The following TMEM132D variants were observed in gnomAD, a reference collection of about 807,000 sequenced individuals.
TMEM132D encodes the protein mature OL transmembrane protein.
Under a neutral mutation model 62.3 loss-of-function variants are expected in TMEM132D, and 21 were observed. The observed-to-expected ratio is 0.34, with a 90% CI of 0.24 to 0.49. The LOEUF is 0.49. TMEM132D is among the 20% of genes least tolerant of loss of function. The pLI is 0.99. For missense variants in TMEM132D, 1,346 were observed against 1,402.8 expected (o/e 0.96, Z 0.65); for synonymous variants, 621 against 575.6 (o/e 1.08, Z -1.13).
At chr12:129,471,872 T>TA (rs1874101989) in intron 3 of TMEM132D, among the ~76,000 whole-genome samples, 1 of 152,230 alleles carries the variant, frequency 6.6e-6, no homozygotes. Flanking sequence ...AACATTCCCT[T>TA]AAGCCAAAGC....
At chr12:129,524,143 G>A (rs1593050257) in intron 3 of TMEM132D, among the ~76,000 whole-genome samples, 1 of 151,702 alleles carries the variant, frequency 6.6e-6, no homozygotes, top group Non-Finnish European at 1.5e-5. Context: ...ATGACGAGTT[G>A]ATGGGTGCAG....
intron 3 of TMEM132D, among the ~76,000 whole-genome samples, chr12:129,354,471 G>A (rs1190714941): frequency 6.6e-6 from 1 of 151,828 alleles, no homozygotes; most frequent in Admixed American, 6.6e-5. Context: ...CTACAGGTGC[G>A]AGCCACCACG....
In TMEM132D at chr12:129,829,338, C is replaced by T. The variant is rs150544816; in HGVS notation, c.79+73923G>A. Among the ~76,000 whole-genome samples, 386 of 152,294 alleles carry T rather than the reference C, an allele frequency of 2.5e-3. 6 individuals carry two copies. Among genetic ancestry groups the T allele is most frequent in the African/African-American group, 8.8e-3 (364 of 41,566 alleles). ...AGAAAGGGACATCTCCTTCCTCTTC[C>T]TCTTCCTCTTCCCGGGAATTTAGGG... On this transcript the variant is annotated intron_variant, in intron 1 of 8. Coordinates refer to ENST00000422113, the MANE Select transcript of TMEM132D (RefSeq NM_133448.3).
intron 1 of TMEM132D, among the ~76,000 whole-genome samples, chr12:129,877,958 C>T (rs1469626971): frequency 6.6e-6 from 1 of 152,224 alleles, no homozygotes. Context: ...TCTGCATCCA[C>T]AAGGCGAGAA....
At chr12:129,080,905 G>C (rs11831651) in intron 7 of TMEM132D, among the ~76,000 whole-genome samples, 2,109 of 152,172 alleles carry the variant, frequency 0.014, 49 homozygotes, top group African/African-American at 0.048. Context: ...GGTCCTCTCC[G>C]TCACCCGCTC....
In TMEM132D at chr12:129,501,285, G is replaced by A. The variant is rs571872940; in HGVS notation, c.1115+29774C>T. On this transcript the variant is annotated intron_variant, in intron 3 of 8. Coordinates refer to ENST00000422113, the MANE Select transcript of TMEM132D (RefSeq NM_133448.3). Reference sequence around the variant, plus strand: ...GAGAGAAATGGAAGTTTACTTAGACGATCCTAAAATACAATCTCATGTCTC... The same window carrying A: ...GAGAGAAATGGAAGTTTACTTAGACAATCCTAAAATACAATCTCATGTCTC... 5.9e-5 allele frequency among the ~76,000 whole-genome samples: 9 copies of A among 152,066 alleles called. 1 individual carries two copies. In the South Asian group the frequency reaches 1.9e-3, roughly 32 times the overall value.
Position 129,654,472 on chromosome 12 carries a change from A to G in TMEM132D, c.968+45338T>C, listed in dbSNP as rs551273762. Among the ~76,000 whole-genome samples, 17 of 152,298 alleles carry G rather than the reference A, an allele frequency of 1.1e-4. No homozygotes were observed. In the South Asian group the frequency reaches 3.5e-3, roughly 32 times the overall value. On this transcript the variant is annotated intron_variant, in intron 2 of 8. Coordinates refer to ENST00000422113, the MANE Select transcript of TMEM132D (RefSeq NM_133448.3). ...CTATAAATAGATCTATGCTTTGTAC[A>G]TGAAAAGAGTAAGATTTTCTTCCCC...
At chr12:129,100,838 T>G (rs1875281695) in intron 5 of TMEM132D, among the ~76,000 whole-genome samples, 1 of 152,176 alleles carries the variant, frequency 6.6e-6, no homozygotes, top group Non-Finnish European at 1.5e-5. Flanking sequence ...AATTTACAAC[T>G]AAACCTAAAT....
At chr12:129,214,129 A>C (rs1233434270) in intron 4 of TMEM132D, among the ~76,000 whole-genome samples, 1 of 152,218 alleles carries the variant, frequency 6.6e-6, no homozygotes, top group Non-Finnish European at 1.5e-5. Flanking sequence ...GGATGGTGAC[A>C]CTTGGACCTG....
At chr12:129,165,095 C>G (rs566705343) in intron 5 of TMEM132D, among the ~76,000 whole-genome samples, 1 of 152,186 alleles carries the variant, frequency 6.6e-6, no homozygotes, top group Non-Finnish European at 1.5e-5. Flanking sequence ...AAAAATATGG[C>G]ATGGAATGGA....
chr12:129,369,056 C>T (rs1286973704), intron 3 of TMEM132D, among the ~76,000 whole-genome samples: 1 of 152,146 alleles, frequency 6.6e-6, no homozygotes, highest in Non-Finnish European at 1.5e-5. Flanking sequence ...GTGATACCAG[C>T]CAAGGAGTAG....
intron 3 of TMEM132D, among the ~76,000 whole-genome samples, chr12:129,466,349 A>ACAGG (rs1371016564): frequency 8.3e-6 from 1 of 120,996 alleles, no homozygotes; most frequent in African/African-American, 3.2e-5. Context: ...ACTCTGTCAC[A>ACAGG]CAGGCTGGAG....
intron 5 of TMEM132D, among the ~76,000 whole-genome samples, chr12:129,170,958 A>G (rs1371116929): frequency 6.6e-6 from 1 of 152,160 alleles, no homozygotes; most frequent in Non-Finnish European, 1.5e-5. Flanking sequence ...GGCTGTGGCA[A>G]GGACTGAAAA....
chr12:129,571,857 T>G (rs1035371725), intron 2 of TMEM132D, among the ~76,000 whole-genome samples: 3 of 151,840 alleles, frequency 2.0e-5, no homozygotes, highest in Non-Finnish European at 4.4e-5. Context: ...AAGGAAAAGT[T>G]TTTTTTTAAA....
intron 2 of TMEM132D, among the ~76,000 whole-genome samples, chr12:129,681,938 G>T (rs2137208979): frequency 6.6e-6 from 1 of 152,304 alleles, no homozygotes; most frequent in East Asian, 1.9e-4. Context: ...AAAAAAATCA[G>T]TTTACTTTTT....
intron 1 of TMEM132D, among the ~76,000 whole-genome samples, chr12:129,774,844 C>G (rs1183850357): frequency 1.3e-5 from 2 of 152,168 alleles, no homozygotes; most frequent in Non-Finnish European, 2.9e-5. Context: ...ACCAGTCTAC[C>G]GCTTTCGGCA....
At chr12:129,109,069 AACT>A (rs1307443855) in intron 5 of TMEM132D, among the ~76,000 whole-genome samples, 2 of 152,242 alleles carry the variant, frequency 1.3e-5, no homozygotes, top group East Asian at 1.9e-4. Flanking sequence ...AGAGATGGAA[AACT>A]ACTATCACCG....
At chr12:129,505,023 G>A (rs113345329) in intron 3 of TMEM132D, among the ~76,000 whole-genome samples, 2,248 of 152,192 alleles carry the variant, frequency 0.015, 61 homozygotes, top group African/African-American at 0.051. Context: ...GCATGGTTTC[G>A]AAGGTTTCTT....
At chr12:129,637,484 T>C (rs529349085) in intron 2 of TMEM132D, among the ~76,000 whole-genome samples, 3 of 152,234 alleles carry the variant, frequency 2.0e-5, no homozygotes, top group Non-Finnish European at 4.4e-5. Context: ...CTTGGTCCTG[T>C]GTAGTGAGTG....
Sources: gnomAD v4.1 joint callset for allele counts (sites outside exome capture counted in the v4.1 genomes callset) on GRCh38, gnomAD v4.1.1 for gene constraint, MANE v1.5 for transcripts, NCBI Gene and HGNC (gene_info 2026-07-23, HGNC 2026-07-21) for gene names.